The following CRYBG1 variants were observed in gnomAD, a reference collection of about 807,000 sequenced individuals.
CRYBG1 encodes beta/gamma crystallin domain-containing protein 1.
In CRYBG1, 139 loss-of-function variants were observed where a neutral mutation model predicts 189.2. That is an observed-to-expected ratio of 0.73 (90% CI 0.64 to 0.85). CRYBG1 has a LOEUF of 0.85. Among genes scored for constraint, CRYBG1 ranks in the 40% least tolerant of loss-of-function variants. CRYBG1 has a pLI of 0.00. For synonymous variants in CRYBG1, 1,023 were observed against 1,017.1 expected, an observed-to-expected ratio of 1.01 and a Z score of -0.11; for missense variants, 2,611 against 2,675.8, an observed-to-expected ratio of 0.98 and a Z score of 0.53.
At chr6:106,468,717 G>A (rs960536836) in intron 2 of CRYBG1, among the ~76,000 whole-genome samples, 1 of 152,184 alleles carries the variant, frequency 6.6e-6, no homozygotes, top group African/African-American at 2.4e-5. Context: ...TTTAAAAGTG[G>A]CATATTTTTA....
At chr6:106,504,573 G>T (rs2114514050) in intron 2 of CRYBG1, among the ~76,000 whole-genome samples, 1 of 152,186 alleles carries the variant, frequency 6.6e-6, no homozygotes, top group East Asian at 1.9e-4. Context: ...AAGTTAAAAT[G>T]AAAAGCTTCT....
intron 1 of CRYBG1, among the ~76,000 whole-genome samples, chr6:106,367,711 C>A (rs1427784184): frequency 6.6e-6 from 1 of 151,524 alleles, no homozygotes; most frequent in Admixed American, 6.6e-5. Context: ...TGCCTGTAAT[C>A]CCAGCACTTT....
chr6:106,365,616 G>A (rs1173212142), intron 1 of CRYBG1, among the ~76,000 whole-genome samples: 1 of 150,562 alleles, frequency 6.6e-6, no homozygotes, highest in South Asian at 2.1e-4. Context: ...ATTAGAAGTG[G>A]GTCCTTAGCT....
chr6:106,545,786 C>T (rs931956189), intron 13 of CRYBG1, among the ~76,000 whole-genome samples: 1 of 152,172 alleles, frequency 6.6e-6, no homozygotes, highest in Non-Finnish European at 1.5e-5. Flanking sequence ...TTAAGCGATC[C>T]TCCTGCTTCA....
chr6:106,550,067 C>T (rs1193783005), intron 13 of CRYBG1, among the ~76,000 whole-genome samples: 1 of 152,116 alleles, frequency 6.6e-6, no homozygotes, highest in Non-Finnish European at 1.5e-5. Flanking sequence ...AGTCATTTCC[C>T]ATTCAAAACA....
chr6:106,413,677 C>CAA (rs557608428), intron 1 of CRYBG1, among the ~76,000 whole-genome samples: 50 of 141,174 alleles, frequency 3.5e-4, no homozygotes, highest in African/African-American at 7.3e-4. Flanking sequence ...GATTTTGTCT[C>CAA]AAAAAAAAAA....
intron 1 of CRYBG1, among the ~76,000 whole-genome samples, chr6:106,399,962 C>T (rs903588252): frequency 2.0e-5 from 3 of 151,272 alleles, no homozygotes; most frequent in Non-Finnish European, 2.9e-5. Flanking sequence ...CATGGTGAAA[C>T]CCCGTCTATA....
intron 2 of CRYBG1, among the ~76,000 whole-genome samples, chr6:106,498,588 C>T (rs978073756): frequency 2.0e-5 from 3 of 152,030 alleles, no homozygotes; most frequent in African/African-American, 7.2e-5. Context: ...TCAATGTGAC[C>T]ATCAGAAATA....
rs541583012 is a variant in CRYBG1 at position 106,565,871 on chromosome 6, CTA to C, written c.6301+1946_6301+1947del. Among the ~76,000 whole-genome samples, 8 of 152,214 alleles carry C rather than the reference CTA, an allele frequency of 5.3e-5. No individual in the cohort carries two copies. In the East Asian group the frequency reaches 1.5e-3, roughly 29 times the overall value. ...TCTTATTTTGATAAACTTTATTGCA[CTA>C]GAGTGCTTCAGTGTTGACAAGAGTT... On this transcript the variant is annotated intron_variant, in intron 21 of 21. Transcript: ENST00000633556.
At chr6:106,517,519 C>T (rs1470945314) in intron 3 of CRYBG1, among the ~76,000 whole-genome samples, 3 of 150,776 alleles carry the variant, frequency 2.0e-5, no homozygotes, top group African/African-American at 7.3e-5. Context: ...TACACACACA[C>T]ATATATATAA....
chr6:106,380,326 A>T (rs1029409219), intron 1 of CRYBG1, among the ~76,000 whole-genome samples: 1 of 152,202 alleles, frequency 6.6e-6, no homozygotes, highest in African/African-American at 2.4e-5. Context: ...TTACTATTTG[A>T]ATTCCCAAGA....
At chr6:106,553,939 G>A (rs1040433335) in intron 16 of CRYBG1, among the ~76,000 whole-genome samples, 1 of 152,174 alleles carries the variant, frequency 6.6e-6, no homozygotes, top group Non-Finnish European at 1.5e-5. Flanking sequence ...CGCTGGAGTG[G>A]AGCTGGTGGA....
chr6:106,459,387 T>A (rs186474062), intron 2 of CRYBG1, among the ~76,000 whole-genome samples: 48 of 152,262 alleles, frequency 3.2e-4, no homozygotes, highest in African/African-American at 1.1e-3. Flanking sequence ...CTAAATATTA[T>A]ATTAGCTTGC....
At chr6:106,377,660 G>A (rs2114312388) in intron 1 of CRYBG1, among the ~76,000 whole-genome samples, 1 of 134,464 alleles carries the variant, frequency 7.4e-6, no homozygotes, top group African/African-American at 3.4e-5. Flanking sequence ...TTCATTTGCA[G>A]TCTGTCAAAG....
intron 3 of CRYBG1, among the ~76,000 whole-genome samples, chr6:106,514,343 A>C (rs1414097513): frequency 6.6e-6 from 1 of 152,204 alleles, no homozygotes; most frequent in African/African-American, 2.4e-5. Flanking sequence ...TATCATTATA[A>C]TTCTTGAACC....
chr6:106,415,679 T>C (rs1160770010), intron 1 of CRYBG1, among the ~76,000 whole-genome samples: 1 of 151,870 alleles, frequency 6.6e-6, no homozygotes, highest in Non-Finnish European at 1.5e-5. Flanking sequence ...TGAGCCATGA[T>C]CATACCACTG....
chr6:106,525,348 C>T lies in CRYBG1; in HGVS notation c.4374C>T (p.Ser1458=), dbSNP rs1455623301. 1.9e-6 allele frequency: 3 copies of T among 1,614,106 alleles called. No homozygotes were observed. Among genetic ancestry groups the T allele is most frequent in the South Asian group, 2.2e-5 (2 of 91,082 alleles). ...ACATTCAGGATTGCAGTTCTTGGAG[C>T]CTCTCTCCAGTGATACTCATAAAAG... ...FSDIQDCSSW[S]LSPVILIKVV... The change falls in exon 6 of 22, where the codon AGC becomes AGT. Residue 1458 remains serine (S), a synonymous_variant. Coordinates refer to ENST00000633556, the MANE Select transcript of CRYBG1 (RefSeq NM_001371242.2).
chr6:106,535,407 G>A (rs1044734072), intron 8 of CRYBG1, among the ~76,000 whole-genome samples: 1 of 152,134 alleles, frequency 6.6e-6, no homozygotes, highest in Admixed American at 6.5e-5. Flanking sequence ...CCCAATAATT[G>A]TTATCATTTT....
At chr6:106,410,262 T>C (rs546926267) in intron 1 of CRYBG1, among the ~76,000 whole-genome samples, 138 of 151,994 alleles carry the variant, frequency 9.1e-4, no homozygotes, top group Non-Finnish European at 1.5e-3. Context: ...AACAAACATG[T>C]GAAAGAAAAA....
Sources: allele counts gnomAD v4.1 joint callset (sites outside exome capture counted in the v4.1 genomes callset), GRCh38; gene constraint gnomAD v4.1.1; transcripts MANE v1.5; gene names NCBI Gene and HGNC (gene_info 2026-07-23, HGNC 2026-07-21).